RANBP2: variants seen among roughly 807,000 people sequenced by gnomAD.
RANBP2 encodes RAN binding protein 2.
Under a neutral mutation model 303.6 loss-of-function variants are expected in RANBP2, and 57 were observed. The observed-to-expected ratio is 0.19, with a 90% confidence interval of 0.15 to 0.23. The LOEUF is 0.23. Among genes scored for constraint, RANBP2 ranks in the 10% least tolerant of loss-of-function variants. The pLI is 1.00. For missense variants in RANBP2, 3,138 were observed against 3,780.8 expected, an observed-to-expected ratio of 0.83 and a Z score of 4.46; for synonymous variants, 1,167 against 1,301.5, an observed-to-expected ratio of 0.90 and a Z score of 2.23.
At chr2:109,679,915 C>T in the RANBP2 span, among the ~76,000 whole-genome samples, 2 of 152,148 alleles carry the variant, frequency 1.3e-5, no homozygotes, top group African/African-American at 4.8e-5. Flanking sequence ...AGACAAGAGG[C>T]AAATCGCCAG....
At chr2:108,787,077 G>T (rs1427993127), downstream of RANBP2, among the ~76,000 whole-genome samples, 1 of 152,060 alleles carries the variant, frequency 6.6e-6, no homozygotes, top group African/African-American at 2.4e-5. Context: ...GGCGGGAGGG[G>T]CGGGCGTTGC....
chr2:108,847,043 T>C, the RANBP2 span: 2 of 672,668 alleles, frequency 3.0e-6, no homozygotes, highest in African/African-American at 3.6e-5. Flanking sequence ...GGTTTTGAAT[T>C]GTTTTATAAT....
chr2:109,427,602 A>G, the RANBP2 span, among the ~76,000 whole-genome samples: 11 of 152,188 alleles, frequency 7.2e-5, no homozygotes, highest in Non-Finnish European at 1.2e-4. Context: ...GTCCCTGCAC[A>G]CTAGCCCCAC....
the RANBP2 span, chr2:108,873,639 G>C: frequency 3.0e-6 from 4 of 1,339,736 alleles, no homozygotes; most frequent in Non-Finnish European, 4.1e-6. Flanking sequence ...ACCTTACTGT[G>C]ATCATTTAAA....
At chr2:108,868,895 T>G in the RANBP2 span, among the ~76,000 whole-genome samples, 1 of 151,966 alleles carries the variant, frequency 6.6e-6, no homozygotes, top group Non-Finnish European at 1.5e-5. Context: ...AGTGCCTACC[T>G]TTTGTGAAAG....
At chr2:109,694,070 T>G in the RANBP2 span, among the ~76,000 whole-genome samples, 4 of 152,194 alleles carry the variant, frequency 2.6e-5, no homozygotes, top group Non-Finnish European at 5.9e-5. Flanking sequence ...TAATGTGGTT[T>G]GGGTCTGTGT....
At chr2:108,862,772 G>T in the RANBP2 span, among the ~76,000 whole-genome samples, 2 of 151,780 alleles carry the variant, frequency 1.3e-5, no homozygotes, top group Non-Finnish European at 2.9e-5. Flanking sequence ...TCCACAAACG[G>T]TTTTCTTGAT....
the RANBP2 span, among the ~76,000 whole-genome samples, chr2:109,627,017 A>G: frequency 1.3e-5 from 2 of 151,970 alleles, no homozygotes; most frequent in Non-Finnish European, 1.5e-5. Context: ...AAACAAACGA[A>G]CAGGGCTGGG....
chr2:109,725,938 G>A, the RANBP2 span, among the ~76,000 whole-genome samples: 1 of 151,840 alleles, frequency 6.6e-6, no homozygotes, highest in African/African-American at 2.4e-5. Flanking sequence ...TCACCACATT[G>A]GTCAGGCTGG....
chr2:108,838,097 G>C, the RANBP2 span, among the ~76,000 whole-genome samples: 2 of 152,008 alleles, frequency 1.3e-5, no homozygotes, highest in East Asian at 3.9e-4. Flanking sequence ...AGCTCTAGGG[G>C]TGGTCCCTAG....
the RANBP2 span, among the ~76,000 whole-genome samples, chr2:108,944,003 G>A: frequency 1.3e-5 from 2 of 152,242 alleles, no homozygotes; most frequent in East Asian, 1.9e-4. Flanking sequence ...TGTTTTGAAT[G>A]TAAAAGGCTT....
At chr2:109,019,051 T>C in the RANBP2 span, among the ~76,000 whole-genome samples, 4 of 152,228 alleles carry the variant, frequency 2.6e-5, no homozygotes, top group African/African-American at 7.2e-5. Context: ...TCAGATCAGA[T>C]CAGTCACTAG....
rs367864778 is a variant in RANBP2 at position 108,775,799 on chromosome 2, T to G, written c.8360T>G (p.Val2787Gly). Reference protein sequence around the residue: ...SVYTGGTEVMVPSFCKSEEPD... With the variant: ...SVYTGGTEVMGPSFCKSEEPD... ...TATACAGGTGGGACTGAAGTGATGGTACCTTCTTTCTGTAAATCTGAAGAA... is the reference window on the plus strand; with the variant it reads ...TATACAGGTGGGACTGAAGTGATGGGACCTTCTTTCTGTAAATCTGAAGAA... The change falls in exon 24 of 29, where the codon GTA becomes GGA. Residue 2787 changes from valine to glycine, a missense_variant. Physicochemically the swap from Val to Gly is moderately radical, Grantham distance 109. Coordinates refer to ENST00000283195, the MANE Select transcript of RANBP2 (RefSeq NM_006267.5). 31 of 1,613,806 alleles carry G rather than the reference T, an allele frequency of 1.9e-5. No individual in the cohort carries two copies. The highest frequency in any genetic ancestry group is 2.5e-5 in the Non-Finnish European group (30 of 1,179,938).
chr2:109,055,765 T>C, the RANBP2 span, among the ~76,000 whole-genome samples: 4 of 147,974 alleles, frequency 2.7e-5, 1 homozygote, highest in South Asian at 8.6e-4. Flanking sequence ...TAACATTTTT[T>C]TTTTTTTTTT....
At chr2:109,325,242 G>A in the RANBP2 span, among the ~76,000 whole-genome samples, 2 of 151,830 alleles carry the variant, frequency 1.3e-5, no homozygotes, top group African/African-American at 4.8e-5. Flanking sequence ...AAAGTGAGTC[G>A]GTTTACACAG....
chr2:108,915,897 C>CAA, the RANBP2 span, among the ~76,000 whole-genome samples: 1 of 144,914 alleles, frequency 6.9e-6, no homozygotes, highest in African/African-American at 2.5e-5. Context: ...AACTCCATCT[C>CAA]AAAAAAAAAA....
the RANBP2 span, among the ~76,000 whole-genome samples, chr2:108,930,440 G>A: frequency 1.8e-4 from 27 of 151,994 alleles, no homozygotes; most frequent in Admixed American, 1.6e-3. Context: ...ACCTGGGCAC[G>A]GCCAGCCCCC....
chr2:109,008,777 C>G, the RANBP2 span, among the ~76,000 whole-genome samples: 6 of 151,370 alleles, frequency 4.0e-5, no homozygotes, highest in African/African-American at 1.5e-4. Context: ...TGGCGGGCGC[C>G]TGTAGTCCCA....
chr2:109,018,842 G>C, the RANBP2 span, among the ~76,000 whole-genome samples: 1 of 152,224 alleles, frequency 6.6e-6, no homozygotes, highest in South Asian at 2.1e-4. Flanking sequence ...ACATTTGCTG[G>C]TTGGATTACA....
Sources: gnomAD v4.1 joint callset for allele counts (sites outside exome capture counted in the v4.1 genomes callset) on GRCh38, gnomAD v4.1.1 for gene constraint, MANE v1.5 for transcripts, NCBI Gene and HGNC (gene_info 2026-07-23, HGNC 2026-07-21) for gene names.